SNX9: variants seen among roughly 807,000 people sequenced by gnomAD.
The protein encoded by SNX9 is sorting nexin 9, also known as sorting nexin-9.
A neutral mutation model predicts 89.4 loss-of-function variants in SNX9; 44 were observed. That is an observed-to-expected ratio of 0.49 (90% CI 0.39 to 0.63). The LOEUF (loss-of-function observed/expected upper bound fraction) is 0.63. Ranked by LOEUF, SNX9 falls within the 30% of genes least tolerant of loss-of-function variation. The pLI, the probability that SNX9 is intolerant of heterozygous loss-of-function variation, is 0.00. For synonymous variants in SNX9, 236 were observed against 247.8 expected, an observed-to-expected ratio of 0.95 and a Z score of 0.45; for missense variants, 578 against 736.1, an observed-to-expected ratio of 0.79 and a Z score of 2.49.
intron 2 of SNX9, among the ~76,000 whole-genome samples, chr6:157,870,357 C>T (rs1782373982): frequency 1.3e-5 from 2 of 151,976 alleles, no homozygotes; most frequent in Admixed American, 1.3e-4. Context: ...CATGCTCTCA[C>T]ACATGCAGCA....
intron 4 of SNX9, among the ~76,000 whole-genome samples, chr6:157,884,718 T>C (rs1245679367): frequency 6.6e-6 from 1 of 152,216 alleles, no homozygotes; most frequent in Non-Finnish European, 1.5e-5. Flanking sequence ...TTACTAACCT[T>C]GTGTGCTTTT....
intron 6 of SNX9, among the ~76,000 whole-genome samples, chr6:157,903,506 C>T (rs1047460831): frequency 1.3e-5 from 2 of 152,166 alleles, no homozygotes; most frequent in Admixed American, 1.3e-4. Flanking sequence ...GTTTCAGAGT[C>T]AAATTTGAAG....
intron 1 of SNX9, among the ~76,000 whole-genome samples, chr6:157,826,878 A>ATATATTATATTTT (rs1212964349): frequency 4.0e-5 from 4 of 99,418 alleles, no homozygotes; most frequent in East Asian, 3.7e-4. Context: ...TAGTTTATAT[A>ATATATTATATTTT]ATATATAAAT....
At chr6:157,898,544 G>A (rs1268028667) in intron 5 of SNX9, among the ~76,000 whole-genome samples, 1 of 152,146 alleles carries the variant, frequency 6.6e-6, no homozygotes, top group Non-Finnish European at 1.5e-5. Flanking sequence ...GATGGGATGT[G>A]GCTCATCCTG....
chr6:157,867,999 G>A (rs1049358477), intron 2 of SNX9, among the ~76,000 whole-genome samples: 1 of 152,174 alleles, frequency 6.6e-6, no homozygotes, highest in African/African-American at 2.4e-5. Context: ...GGTTCAGTGT[G>A]TTTACCCCTA....
chr6:157,940,485 C>T (rs1300069340), intron 16 of SNX9, among the ~76,000 whole-genome samples: 1 of 152,086 alleles, frequency 6.6e-6, no homozygotes, highest in Non-Finnish European at 1.5e-5. Flanking sequence ...TGGTGCAATC[C>T]CGGCTCACTG....
intron 4 of SNX9, among the ~76,000 whole-genome samples, chr6:157,878,984 T>C (rs529026703): frequency 7.2e-4 from 109 of 152,318 alleles, no homozygotes; most frequent in African/African-American, 2.4e-3. Context: ...AAGATTCTTC[T>C]ATCAAACTAG....
chr6:157,835,223 G>A (rs1166894864), intron 1 of SNX9, among the ~76,000 whole-genome samples: 1 of 152,044 alleles, frequency 6.6e-6, no homozygotes, highest in Non-Finnish European at 1.5e-5. Flanking sequence ...ATATTGGCCA[G>A]CCCAGTTTCA....
At chr6:157,842,464 A>G (rs1274150672) in intron 1 of SNX9, among the ~76,000 whole-genome samples, 3 of 152,058 alleles carry the variant, frequency 2.0e-5, no homozygotes, top group Non-Finnish European at 2.9e-5. Context: ...AGACAGGGGG[A>G]TTGCAATGGA....
chr6:157,880,489 T>C (rs143132885), intron 4 of SNX9, among the ~76,000 whole-genome samples: 4 of 152,348 alleles, frequency 2.6e-5, no homozygotes, highest in African/African-American at 9.6e-5. Flanking sequence ...TCTATCAGCA[T>C]GTCTCCTTTG....
rs556235060 is a variant in SNX9, at chr6:157,823,268, G to T, written c.-167G>T. The T allele has an allele frequency of 7.2e-3, 2,816 of 391,624 alleles. 72 individuals are homozygous for T. Among genetic ancestry groups the T allele is most frequent in the African/African-American group, 0.056 (2,582 of 46,052 alleles). The allele number at this position is 391,624 out of a possible 1,614,324, so 24.3% of individuals were successfully genotyped here. On this transcript the variant is annotated 5_prime_UTR_variant, in exon 1 of 18. Transcript: ENST00000392185. This position sits in a 1 kb window ranked among gnomAD's most constrained non-coding sequence, Gnocchi z 4.6. ...CGCGGGAGTAGCCGAGCGCCCAGCG[G>T]CTGGGCCTGAGCGTCGAGACTCGGG...
At chr6:157,831,697 C>T (rs1781482394) in intron 1 of SNX9, among the ~76,000 whole-genome samples, 1 of 152,218 alleles carries the variant, frequency 6.6e-6, no homozygotes, top group Admixed American at 6.5e-5. Context: ...TCCTTTGTGG[C>T]CTCTCCGGAG....
intron 4 of SNX9, among the ~76,000 whole-genome samples, chr6:157,889,240 G>T (rs1409973515): frequency 6.6e-6 from 1 of 152,042 alleles, no homozygotes; most frequent in African/African-American, 2.4e-5. Flanking sequence ...AGACCAGCCT[G>T]GCCAACATGG....
chr6:157,928,733 C>T (rs768675626), intron 12 of SNX9, 31 bp downstream of exon 12: 61 of 1,499,782 alleles, frequency 4.1e-5, no homozygotes, highest in Non-Finnish European at 5.2e-5. Flanking sequence ...GCACTGGGCT[C>T]GTAGGGGGTG....
At chr6:157,829,450 C>T (rs1010441316) in intron 1 of SNX9, 2 of 152,228 alleles carry the variant, frequency 1.3e-5, no homozygotes, top group Non-Finnish European at 2.9e-5. Context: ...CACCTGTGCA[C>T]AAAAAGAGTA....
chr6:157,854,740 A>G (rs1781975974), intron 1 of SNX9, among the ~76,000 whole-genome samples: 1 of 152,096 alleles, frequency 6.6e-6, no homozygotes, highest in South Asian at 2.1e-4. Flanking sequence ...AATATGGTTT[A>G]CCCCCTTTTA....
At position 157,875,110 on chromosome 6, in the gene SNX9, C is replaced by A; in HGVS notation, c.234C>A (p.Ala78=). 2 of 1,614,096 alleles carry A rather than the reference C, an allele frequency of 1.2e-6. No individual in the cohort carries two copies. Among genetic ancestry groups the A allele is most frequent in the Non-Finnish European group, 1.7e-6 (2 of 1,179,984 alleles). ...FSCGNSVADQ[A]FLDSLSASTA... is the part of the protein sequence containing the mutation. ...GTGGAAATTCAGTGGCTGACCAAGC[C>A]TTCCTTGATTCTCTCTCAGCCAGCA... The change falls in exon 4 of 18, where the codon GCC becomes GCA. Residue 78 remains alanine, a synonymous_variant. Transcript: ENST00000392185.
In SNX9 at chr6:157,823,854, C is replaced by T. The variant is rs1781287587; in HGVS notation, c.12+408C>T. 6.6e-6 allele frequency among the ~76,000 whole-genome samples: 1 copy of T among 152,032 alleles called. No individual in the cohort carries two copies. The highest frequency in any genetic ancestry group is 2.4e-5 in the African/African-American group (1 of 41,442). On this transcript the variant is annotated intron_variant, in intron 1 of 17. Coordinates refer to ENST00000392185, the MANE Select transcript of SNX9 (RefSeq NM_016224.5). This position sits in a 1 kb window ranked among gnomAD's most constrained non-coding sequence, Gnocchi z 4.6. ...CGTCCCCGCCGCCCCCACGTCCCCTCCCGCTGCCGCCTGGGGGACCCTCGC... is the reference window on the plus strand; with the variant it reads ...CGTCCCCGCCGCCCCCACGTCCCCTTCCGCTGCCGCCTGGGGGACCCTCGC...
At chr6:157,850,978 G>A (rs1176473925) in intron 1 of SNX9, among the ~76,000 whole-genome samples, 1 of 152,162 alleles carries the variant, frequency 6.6e-6, no homozygotes, top group African/African-American at 2.4e-5. Context: ...TGATAAGGCT[G>A]GGCGTGGTGG....
Sources: gnomAD v4.1 joint callset for allele counts (sites outside exome capture counted in the v4.1 genomes callset) on GRCh38, gnomAD v4.1.1 for gene constraint, Gnocchi (gnomAD v3.1) non-coding constraint, MANE v1.5 for transcripts, NCBI Gene and HGNC (gene_info 2026-07-23, HGNC 2026-07-21) for gene names.